MYO5A: variants seen among roughly 807,000 people sequenced by gnomAD.
MYO5A encodes the protein unconventional myosin-Va.
In MYO5A, 98 loss-of-function variants were observed where a neutral mutation model predicts 249.7. That is an observed-to-expected ratio of 0.39 (90% confidence interval 0.33 to 0.46). MYO5A has a LOEUF of 0.46. Ranked by LOEUF, MYO5A falls within the 20% of genes least tolerant of loss-of-function variation. MYO5A has a pLI of 0.98. For synonymous variants in MYO5A, 778 were observed against 810.6 expected (o/e 0.96, Z 0.68); for missense variants, 1,696 against 2,308.8 (o/e 0.73, Z 5.44).
chr15:52,451,004 T>C (rs78736472), intron 1 of MYO5A, among the ~76,000 whole-genome samples: 46 of 143,838 alleles, frequency 3.2e-4, no homozygotes, highest in African/African-American at 1.1e-3. Flanking sequence ...GCCAATTTTT[T>C]CCCAAATTTC....
intron 4 of MYO5A, among the ~76,000 whole-genome samples, chr15:52,424,564 T>C (rs1313623829): frequency 3.9e-5 from 6 of 152,188 alleles, no homozygotes. Flanking sequence ...TAAAAGGGCA[T>C]AATGATTTCT....
intron 1 of MYO5A, among the ~76,000 whole-genome samples, chr15:52,468,381 G>A (rs79884219): frequency 0.062 from 9,431 of 152,262 alleles, 980 homozygotes; most frequent in African/African-American, 0.22. Flanking sequence ...TATTAGGCCA[G>A]GTACAATGGC....
At chr15:52,410,292 G>C (rs2043192971) in intron 6 of MYO5A, 41 bp downstream of exon 6, 1 of 1,589,408 alleles carries the variant, frequency 6.3e-7, no homozygotes. Flanking sequence ...CAATTATACA[G>C]CAATCTAACA....
At chr15:52,506,577 C>A (rs1465712917) in intron 1 of MYO5A, among the ~76,000 whole-genome samples, 4 of 150,328 alleles carry the variant, frequency 2.7e-5, no homozygotes, top group Non-Finnish European at 4.4e-5. Flanking sequence ...GTGGCTCATG[C>A]TTGTAATCCA....
rs927460299 is a variant in MYO5A at position 52,349,935 on chromosome 15, T to C, written c.3850-1109A>G. Among the ~76,000 whole-genome samples the C allele has an allele frequency of 3.3e-5, 5 of 152,162 alleles. 1 individual carries two copies. The highest frequency in any genetic ancestry group is 7.4e-5 in the Non-Finnish European group (5 of 68,024). ...GGGTTTATGATTATGATTATGATTA[T>C]GATTATGATTAGTTTGAGACGGAGT... On this transcript the variant is annotated intron_variant, in intron 28 of 41. Coordinates refer to ENST00000399233, the MANE Select transcript of MYO5A (RefSeq NM_001382347.1).
At chr15:52,431,987 C>G (rs1369679238) in intron 2 of MYO5A, among the ~76,000 whole-genome samples, 1 of 151,626 alleles carries the variant, frequency 6.6e-6, no homozygotes, top group Non-Finnish European at 1.5e-5. Context: ...AGGGACCTGT[C>G]AAAAAAGTCA....
At chr15:52,465,571 T>G (rs1192991271) in intron 1 of MYO5A, among the ~76,000 whole-genome samples, 1 of 152,144 alleles carries the variant, frequency 6.6e-6, no homozygotes, top group Non-Finnish European at 1.5e-5. Context: ...GCAGGAGGAT[T>G]GCTTGAATTC....
chr15:52,381,033 T>C (rs2041714915), intron 16 of MYO5A, among the ~76,000 whole-genome samples: 1 of 152,238 alleles, frequency 6.6e-6, no homozygotes, highest in African/African-American at 2.4e-5. Context: ...ATTTTGTATT[T>C]ATTTTACTCT....
chr15:52,370,551 C>T (rs941114305), intron 21 of MYO5A, 134 bp from the exon 22 acceptor site: 23 of 875,512 alleles, frequency 2.6e-5, no homozygotes, highest in Non-Finnish European at 3.8e-5. Context: ...CAAAATACTA[C>T]AACATTTGCA....
At chr15:52,522,714 G>A (rs1318352872) in intron 1 of MYO5A, among the ~76,000 whole-genome samples, 7 of 152,064 alleles carry the variant, frequency 4.6e-5, no homozygotes, top group African/African-American at 1.2e-4. Flanking sequence ...GAAGTAAGGC[G>A]GATCATCTCT....
chr15:52,506,097 A>C (rs569265699), intron 1 of MYO5A, among the ~76,000 whole-genome samples: 1 of 152,088 alleles, frequency 6.6e-6, no homozygotes, highest in African/African-American at 2.4e-5. Flanking sequence ...CATGCCTGTA[A>C]TCCCAGCACT....
At chr15:52,328,031 T>C (rs1280649628) in intron 35 of MYO5A, 25 bp from the exon 36 acceptor site, 2 of 1,589,634 alleles carry the variant, frequency 1.3e-6, no homozygotes, top group Non-Finnish European at 1.7e-6. Context: ...ATAATAATTT[T>C]ATATAACATG....
intron 1 of MYO5A, among the ~76,000 whole-genome samples, chr15:52,493,641 G>A (rs942715033): frequency 2.6e-5 from 4 of 151,840 alleles, no homozygotes; most frequent in African/African-American, 7.3e-5. Flanking sequence ...CAGTCTGGGC[G>A]ATAGAGCGAG....
chr15:52,450,843 GTT>G (rs56842960), intron 1 of MYO5A, among the ~76,000 whole-genome samples: 48 of 84,584 alleles, frequency 5.7e-4, no homozygotes, highest in East Asian at 3.2e-3. Context: ...CACTACTGTG[GTT>G]TTTTTTTTTT....
In MYO5A at chr15:52,388,079, G is replaced by C. The variant is rs12440929; in HGVS notation, c.1669-167C>G. On this transcript the variant is annotated intron_variant, in intron 13 of 41. Coordinates refer to ENST00000399233, the MANE Select transcript of MYO5A (RefSeq NM_001382347.1). ...CAAGGCCATTCCTGGTAAGAAGTAT[G>C]TTAACTTTAGAGTAAAACTCCTCAA... Among the ~76,000 whole-genome samples the C allele has an allele frequency of 0.2, 29,789 of 152,176 alleles. 3,791 individuals carry two copies. Among genetic ancestry groups the C allele is most frequent in the East Asian group, 0.57 (2,926 of 5,164 alleles).
chr15:52,329,352 C>T (rs975451794), intron 35 of MYO5A, among the ~76,000 whole-genome samples: 1 of 152,180 alleles, frequency 6.6e-6, no homozygotes, highest in African/African-American at 2.4e-5. Flanking sequence ...CTGCTGTCAC[C>T]CTGGCACCTG....
At chr15:52,466,163 C>A (rs2076348342) in intron 1 of MYO5A, among the ~76,000 whole-genome samples, 2 of 152,118 alleles carry the variant, frequency 1.3e-5, no homozygotes, top group African/African-American at 2.4e-5. Flanking sequence ...ACAGCAGGAC[C>A]CTATTCTCTT....
In MYO5A at chr15:52,311,335, A is replaced by G. The variant is rs2037767088; in HGVS notation, c.*2361T>C. 6.6e-6 allele frequency: 1 copy of G among 151,928 alleles called. No individual in the cohort carries two copies. The highest frequency in any genetic ancestry group is 2.1e-4 in the South Asian group (1 of 4,800). 9.4% of individuals were successfully genotyped at this position (151,928 alleles called of 1,614,324 possible). A position where few individuals can be genotyped will look rare whatever the true frequency, so the allele number is the denominator to read the frequency against. On this transcript the variant is annotated 3_prime_UTR_variant, in exon 42 of 42. Transcript: ENST00000399233. ...TGTACCACGTTGCATTTTCTTAGCA[A>G]CTCCCCAACTTACAGCCTATCGGAT...
At chr15:52,334,913 T>C (rs1170364564) in intron 34 of MYO5A, among the ~76,000 whole-genome samples, 1 of 152,160 alleles carries the variant, frequency 6.6e-6, no homozygotes, top group African/African-American at 2.4e-5. Flanking sequence ...AGGCTACTCT[T>C]GAGGATGTGA....
Sources: gnomAD v4.1 joint callset for allele counts (sites outside exome capture counted in the v4.1 genomes callset) on GRCh38, gnomAD v4.1.1 for gene constraint, MANE v1.5 for transcripts, NCBI Gene and HGNC (gene_info 2026-07-23, HGNC 2026-07-21) for gene names.